The following EFNA5 variants were observed in gnomAD, a reference collection of about 807,000 sequenced individuals.
EFNA5 encodes ephrin-A5.
Under a neutral mutation model 22.9 loss-of-function variants are expected in EFNA5, and 5 were observed. The observed-to-expected ratio is 0.22, with a 90% CI of 0.11 to 0.46. The LOEUF (loss-of-function observed/expected upper bound fraction) is 0.46. Among genes scored for constraint, EFNA5 ranks in the 20% least tolerant of loss-of-function variants. The probability of loss-of-function intolerance (pLI) is 0.99; values close to 1 mark genes in which losing one functional copy is unlikely to be tolerated. For synonymous variants in EFNA5, 113 were observed against 112.2 expected (o/e 1.01, Z -0.04); for missense variants, 237 against 293.3 (o/e 0.81, Z 1.40).
rs369791620 is a variant in EFNA5 at position 107,652,985 on chromosome 5, C to T, written c.125+17504G>A. ...TGGCATATGGTTCTCCCTCACCCAT[C>T]TGATGCCCCAGGGATGCCAAGGCAC... On this transcript the variant is annotated intron_variant, in intron 1 of 4. Transcript: ENST00000333274. Among the ~76,000 whole-genome samples, 6 of 152,188 alleles carry T rather than the reference C, an allele frequency of 3.9e-5. 1 individual carries two copies. Among genetic ancestry groups the T allele is most frequent in the African/African-American group, 7.2e-5 (3 of 41,544 alleles).
Position 107,488,548 on chromosome 5 carries a change from G to T in EFNA5, c.126-61039C>A, listed in dbSNP as rs563493379. On this transcript the variant is annotated intron_variant, in intron 1 of 4. Transcript: ENST00000333274. ...CAGCTGTCAGCAGGGAATCCTACAAGCATCAAATTATTTTACAAATCCCAA... is the reference window on the plus strand; with the variant it reads ...CAGCTGTCAGCAGGGAATCCTACAATCATCAAATTATTTTACAAATCCCAA... Among the ~76,000 whole-genome samples the T allele has an allele frequency of 2.1e-4, 32 of 152,218 alleles. No individual in the cohort carries two copies. The South Asian group carries it at 6.2e-3, about 30-fold the overall frequency.
chr5:107,612,373 C>T (rs191083570), intron 1 of EFNA5, among the ~76,000 whole-genome samples: 2 of 152,130 alleles, frequency 1.3e-5, no homozygotes, highest in East Asian at 3.9e-4. Context: ...TATATGGCCT[C>T]CTCTGAACTC....
chr5:107,629,797 C>CT (rs1239808938), intron 1 of EFNA5, among the ~76,000 whole-genome samples: 1 of 152,170 alleles, frequency 6.6e-6, no homozygotes, highest in African/African-American at 2.4e-5. Context: ...TGGCTCATGC[C>CT]TGTAATCCCA....
intron 1 of EFNA5, among the ~76,000 whole-genome samples, chr5:107,630,083 G>A (rs1057486404): frequency 6.6e-6 from 1 of 151,634 alleles, no homozygotes; most frequent in South Asian, 2.1e-4. Flanking sequence ...AAAAAATTAC[G>A]AGATTGTTTT....
intron 1 of EFNA5, among the ~76,000 whole-genome samples, chr5:107,443,425 C>T (rs755793252): frequency 2.3e-4 from 35 of 152,226 alleles, no homozygotes; most frequent in Admixed American, 5.9e-4. Context: ...TATACCCCCT[C>T]AAGAACAGCA....
intron 1 of EFNA5, among the ~76,000 whole-genome samples, chr5:107,613,061 T>C (rs531336633): frequency 1.3e-5 from 2 of 152,162 alleles, no homozygotes; most frequent in East Asian, 3.9e-4. Flanking sequence ...CCTGAAAGAC[T>C]TGAAACTCTA....
At chr5:107,516,050 G>A (rs1057423468) in intron 1 of EFNA5, among the ~76,000 whole-genome samples, 1 of 152,022 alleles carries the variant, frequency 6.6e-6, no homozygotes. Flanking sequence ...TGTCGCCCAC[G>A]CTGAAGCGCA....
chr5:107,586,577 T>A (rs1288901469), intron 1 of EFNA5, among the ~76,000 whole-genome samples: 1 of 152,226 alleles, frequency 6.6e-6, no homozygotes, highest in Non-Finnish European at 1.5e-5. Flanking sequence ...TGACTGTTTT[T>A]ATTACCCCTC....
At position 107,520,385 on chromosome 5, in the gene EFNA5, A is replaced by G. The variant is rs1747569510; in HGVS notation, c.126-92876T>C. Among the ~76,000 whole-genome samples, 8 of 152,358 alleles carry G rather than the reference A, an allele frequency of 5.3e-5. 1 individual carries two copies. The South Asian group carries it at 1.7e-3, about 32-fold the overall frequency. On this transcript the variant is annotated intron_variant, in intron 1 of 4. Transcript: ENST00000333274. ...AAGAAACCAGTTACTAAGAAAATAAAAAACTAAAAAGGTCTCAGATAAGAA... is the reference window on the plus strand; with the variant it reads ...AAGAAACCAGTTACTAAGAAAATAAGAAACTAAAAAGGTCTCAGATAAGAA...
Position 107,378,237 on chromosome 5 carries a change from A to C in EFNA5, c.*3018T>G, listed in dbSNP as rs1747328704. The C allele has an allele frequency of 6.6e-6, 1 of 151,816 alleles. No homozygotes were observed. Among genetic ancestry groups the C allele is most frequent in the African/African-American group, 2.4e-5 (1 of 41,348 alleles). The allele number at this position is 151,816 out of a possible 1,614,324, so 9.4% of individuals were successfully genotyped here. On this transcript the variant is annotated 3_prime_UTR_variant, in exon 5 of 5. Coordinates refer to ENST00000333274, the MANE Select transcript of EFNA5 (RefSeq NM_001962.3). ...TTACTTTTCTTTCCTCTGCCACCCA[A>C]GAAAGTACAGTACAAAACAATAGTC... is the stretch of plus-strand genomic sequence containing the variant.
chr5:107,592,596 A>C (rs966448673), intron 1 of EFNA5, among the ~76,000 whole-genome samples: 1 of 152,212 alleles, frequency 6.6e-6, no homozygotes, highest in African/African-American at 2.4e-5. Flanking sequence ...TCTTAGCTTT[A>C]AATTTATTCC....
At chr5:107,522,176 A>C (rs1451328522) in intron 1 of EFNA5, among the ~76,000 whole-genome samples, 1 of 152,246 alleles carries the variant, frequency 6.6e-6, no homozygotes, top group African/African-American at 2.4e-5. Context: ...GTAACTTTTT[A>C]TATGAATTTG....
intron 4 of EFNA5, among the ~76,000 whole-genome samples, chr5:107,383,045 G>T (rs1747513233): frequency 1.3e-5 from 2 of 152,112 alleles, no homozygotes; most frequent in Non-Finnish European, 2.9e-5. Flanking sequence ...AGGTTCACAG[G>T]CTGACCCCTG....
chr5:107,569,565 A>ATATATATATG (rs1748745810), intron 1 of EFNA5, among the ~76,000 whole-genome samples: 1 of 21,776 alleles, frequency 4.6e-5, no homozygotes, highest in Non-Finnish European at 1.5e-4. Context: ...ATATTTATAT[A>ATATATATATG]TATATATATA....
chr5:107,615,626 C>T (rs1291952542), intron 1 of EFNA5, among the ~76,000 whole-genome samples: 1 of 152,166 alleles, frequency 6.6e-6, no homozygotes, highest in East Asian at 1.9e-4. Flanking sequence ...TCCCATTATG[C>T]ATCCTTTCCT....
intron 2 of EFNA5, among the ~76,000 whole-genome samples, chr5:107,416,077 TGAAACAG>T (rs1439117709): frequency 6.6e-6 from 1 of 152,188 alleles, no homozygotes; most frequent in African/African-American, 2.4e-5. Flanking sequence ...TCATCACAAT[TGAAACAG>T]GAATGGTGAA....
At chr5:107,621,839 A>G (rs1048863396) in intron 1 of EFNA5, among the ~76,000 whole-genome samples, 7 of 152,204 alleles carry the variant, frequency 4.6e-5, no homozygotes, top group African/African-American at 1.2e-4. Flanking sequence ...TGCTATTAAC[A>G]TAAAAGAAAC....
intron 1 of EFNA5, among the ~76,000 whole-genome samples, chr5:107,557,454 T>C (rs1748447337): frequency 6.6e-6 from 1 of 152,256 alleles, no homozygotes; most frequent in Admixed American, 6.5e-5. Flanking sequence ...CGCAGCCCAC[T>C]GGCAGAGTTG....
Position 107,503,944 on chromosome 5 carries a change from A to G in EFNA5, c.126-76435T>C, listed in dbSNP as rs895144221. On this transcript the variant is annotated intron_variant, in intron 1 of 4. Coordinates refer to ENST00000333274, the MANE Select transcript of EFNA5 (RefSeq NM_001962.3). ...GCTTTTAAAATGTATTACAGCATGC[A>G]TTGAATTAGCTACCTTTAAACTAAT... is the stretch of plus-strand genomic sequence containing the variant. 2.6e-5 allele frequency among the ~76,000 whole-genome samples: 4 copies of G among 152,206 alleles called. 1 individual carries two copies. The South Asian group carries it at 8.3e-4, about 31-fold the overall frequency.
Sources: gnomAD v4.1 joint callset for allele counts (sites outside exome capture counted in the v4.1 genomes callset) on GRCh38, gnomAD v4.1.1 for gene constraint, MANE v1.5 for transcripts, NCBI Gene and HGNC (gene_info 2026-07-23, HGNC 2026-07-21) for gene names.